Variants in SEPTIN11 observed in about 807,000 individuals in gnomAD.
SEPTIN11 encodes the protein septin-11.
SEPTIN11 carries 25 observed loss-of-function variants against 51.4 expected under a neutral mutation model. That is an observed-to-expected ratio of 0.49 (90% confidence interval 0.35 to 0.68). SEPTIN11 has a LOEUF of 0.68. Ranked by LOEUF, SEPTIN11 falls within the 30% of genes least tolerant of loss-of-function variation. The pLI is 0.00. For missense variants in SEPTIN11, 381 were observed against 520.8 expected (o/e 0.73, Z 2.61); for synonymous variants, 174 against 184.1 (o/e 0.95, Z 0.44).
chr4:77,015,912 A>C (rs1725188475), intron 5 of SEPTIN11, among the ~76,000 whole-genome samples: 2 of 152,154 alleles, frequency 1.3e-5, no homozygotes, highest in South Asian at 4.1e-4. Flanking sequence ...CCCATTACGA[A>C]GTGAGTGTTT....
Position 77,024,626 on chromosome 4 carries a change from G to A in SEPTIN11, c.953+3956G>A, listed in dbSNP as rs544306614. Among the ~76,000 whole-genome samples, 42 of 152,122 alleles carry A rather than the reference G, an allele frequency of 2.8e-4. No individual in the cohort carries two copies. The highest frequency in any genetic ancestry group is 5.9e-4 in the Non-Finnish European group (40 of 68,026). On this transcript the variant is annotated intron_variant, in intron 7 of 9. Coordinates refer to ENST00000264893, the MANE Select transcript of SEPTIN11 (RefSeq NM_018243.4). The surrounding 1 kb of genome is among the most constrained non-coding windows in gnomAD (Gnocchi z 4.2). Reference sequence around the variant, plus strand: ...TGCTTCACCCCCGTTCAACTCACACGAAGCACTCAGTTACCACCATTTTCT... The same window carrying A: ...TGCTTCACCCCCGTTCAACTCACACAAAGCACTCAGTTACCACCATTTTCT...
At chr4:76,963,237 T>C (rs1266144303) in intron 1 of SEPTIN11, among the ~76,000 whole-genome samples, 1 of 152,260 alleles carries the variant, frequency 6.6e-6, no homozygotes, top group African/African-American at 2.4e-5. Context: ...CACTTGCACA[T>C]TGGCTTTGCC....
At chr4:77,000,437 A>G (rs1053220527) in intron 2 of SEPTIN11, among the ~76,000 whole-genome samples, 2 of 152,248 alleles carry the variant, frequency 1.3e-5, no homozygotes, top group Non-Finnish European at 2.9e-5. Context: ...GGATAGAGTC[A>G]GTACTCAAAG....
chr4:77,009,461 G>A (rs1724707921), intron 3 of SEPTIN11, among the ~76,000 whole-genome samples: 1 of 152,234 alleles, frequency 6.6e-6, no homozygotes, highest in African/African-American at 2.4e-5. Flanking sequence ...ACACAGGAAT[G>A]AGTATGATTT....
intron 1 of SEPTIN11, among the ~76,000 whole-genome samples, chr4:76,963,134 A>C (rs1401062834): frequency 6.6e-6 from 1 of 152,238 alleles, no homozygotes; most frequent in African/African-American, 2.4e-5. Flanking sequence ...GGGAGGAGAA[A>C]ACTTAACAAA....
intron 1 of SEPTIN11, among the ~76,000 whole-genome samples, chr4:76,957,615 C>T (rs1721618739): frequency 6.6e-6 from 1 of 152,128 alleles, no homozygotes; most frequent in Non-Finnish European, 1.5e-5. Flanking sequence ...ATAGTAATGG[C>T]TTTATACTGA....
chr4:77,002,979 G>A (rs190248167), intron 2 of SEPTIN11, among the ~76,000 whole-genome samples: 153 of 152,184 alleles, frequency 1.0e-3, no homozygotes, highest in Non-Finnish European at 1.8e-3. Context: ...ATGGATTTCC[G>A]ATGCTCTACC....
chr4:76,985,309 T>C (rs139234749), intron 1 of SEPTIN11, among the ~76,000 whole-genome samples: 405 of 152,374 alleles, frequency 2.7e-3, no homozygotes, highest in Non-Finnish European at 4.4e-3. Flanking sequence ...AAGAAAAAAG[T>C]GCTCTAGCTT....
intron 3 of SEPTIN11, among the ~76,000 whole-genome samples, chr4:77,009,622 G>A (rs1211555051): frequency 1.3e-5 from 2 of 152,148 alleles, no homozygotes; most frequent in African/African-American, 4.8e-5. Context: ...CAAAATGAGT[G>A]TTGTTATGCT....
intron 1 of SEPTIN11, among the ~76,000 whole-genome samples, chr4:76,955,793 A>G (rs1310346202): frequency 6.6e-6 from 1 of 152,208 alleles, no homozygotes; most frequent in East Asian, 1.9e-4. Flanking sequence ...GTCCAGTGAC[A>G]ACATATGACA....
At chr4:76,994,725 A>AAGTGCATTTCTGGAGTCACATTTT in intron 1 of SEPTIN11, among the ~76,000 whole-genome samples, 1 of 152,126 alleles carries the variant, frequency 6.6e-6, no homozygotes, top group Non-Finnish European at 1.5e-5. Context: ...AAGTCCTTTA[A>AAGTGCATTTCTGGAGTCACATTTT]AATCACTGCA....
At chr4:76,966,119 T>C (rs1722027354) in intron 1 of SEPTIN11, among the ~76,000 whole-genome samples, 1 of 152,216 alleles carries the variant, frequency 6.6e-6, no homozygotes, top group African/African-American at 2.4e-5. Context: ...TTTCATCTCA[T>C]CATCTGTGTT....
Position 77,024,423 on chromosome 4 carries a change from C to A in SEPTIN11, c.953+3753C>A, listed in dbSNP as rs1578200507. On this transcript the variant is annotated intron_variant, in intron 7 of 9. Coordinates refer to ENST00000264893, the MANE Select transcript of SEPTIN11 (RefSeq NM_018243.4). This position sits in a 1 kb window ranked among gnomAD's most constrained non-coding sequence, Gnocchi z 4.2. ...GCACCCATGCTTCCCTGGACCCAGG[C>A]GTCTCCTTCCTCCAGACCCCAGCCC... Among the ~76,000 whole-genome samples the A allele has an allele frequency of 6.6e-6, 1 of 151,238 alleles. No individual in the cohort carries two copies. Among genetic ancestry groups the A allele is most frequent in the South Asian group, 2.1e-4 (1 of 4,806 alleles).
intron 1 of SEPTIN11, among the ~76,000 whole-genome samples, chr4:76,983,504 G>A (rs1336739262): frequency 6.6e-6 from 1 of 152,186 alleles, no homozygotes; most frequent in East Asian, 1.9e-4. Flanking sequence ...GATTTCAGCC[G>A]TGTGATAACC....
Position 77,038,127 on chromosome 4 carries a change from G to T in SEPTIN11, c.*3615G>T, listed in dbSNP as rs977554970. On this transcript the variant is annotated 3_prime_UTR_variant, in exon 10 of 10. Coordinates refer to ENST00000264893, the MANE Select transcript of SEPTIN11 (RefSeq NM_018243.4). ...TCTGGAATTGTCAGGTCTCAGCTTC[G>T]AAAAGTCCTGGTTCCACTGACAGGA... 1 of 985,826 alleles carries T rather than the reference G, an allele frequency of 1.0e-6. No individual in the cohort carries two copies. The highest frequency in any genetic ancestry group is 1.2e-6 in the Non-Finnish European group (1 of 829,942). 61.1% of individuals were successfully genotyped at this position (985,826 alleles called of 1,614,324 possible). A position where few individuals can be genotyped will look rare whatever the true frequency, so the allele number is the denominator to read the frequency against.
At chr4:76,998,103 CCT>C (rs1723858913) in intron 2 of SEPTIN11, among the ~76,000 whole-genome samples, 1 of 151,964 alleles carries the variant, frequency 6.6e-6, no homozygotes, top group Non-Finnish European at 1.5e-5. Flanking sequence ...TTGATGCTGC[CCT>C]GTTAGATGTG....
intron 1 of SEPTIN11, among the ~76,000 whole-genome samples, chr4:76,971,851 G>A (rs1213001840): frequency 6.6e-6 from 1 of 152,196 alleles, no homozygotes; most frequent in Non-Finnish European, 1.5e-5. Flanking sequence ...TGAAGGTCTA[G>A]GTATAAAATG....
At chr4:77,000,780 G>A (rs1291532717) in intron 2 of SEPTIN11, among the ~76,000 whole-genome samples, 1 of 152,180 alleles carries the variant, frequency 6.6e-6, no homozygotes, top group Non-Finnish European at 1.5e-5. Flanking sequence ...TGAAATGCCA[G>A]GTGCCACACG....
chr4:77,027,135 T>G (rs754950664), intron 7 of SEPTIN11, among the ~76,000 whole-genome samples: 1 of 152,138 alleles, frequency 6.6e-6, no homozygotes, highest in Non-Finnish European at 1.5e-5. Flanking sequence ...CCAGCCTGAT[T>G]AATATGTTTT....
Sources: allele counts gnomAD v4.1 joint callset (sites outside exome capture counted in the v4.1 genomes callset), GRCh38; gene constraint gnomAD v4.1.1; non-coding constraint Gnocchi (gnomAD v3.1); transcripts MANE v1.5; gene names NCBI Gene and HGNC (gene_info 2026-07-23, HGNC 2026-07-21).